Variants in LPO observed in about 807,000 individuals in gnomAD.
LPO encodes the protein salivary peroxidase.
Under a neutral mutation model 68.4 loss-of-function variants are expected in LPO, and 70 were observed. That is an observed-to-expected ratio of 1.02 (90% CI 0.84 to 1.25). LPO has a LOEUF of 1.25. Among genes scored for constraint, LPO ranks in the 50% most tolerant of loss-of-function variants. The pLI, the probability that LPO is intolerant of heterozygous loss-of-function variation, is 0.00. For synonymous variants in LPO, 360 were observed against 357.6 expected, an observed-to-expected ratio of 1.01 and a Z score of -0.08; for missense variants, 873 against 908.4, an observed-to-expected ratio of 0.96 and a Z score of 0.50.
rs1037425971 is a variant in LPO, at chr17:58,247,698, C to G, written c.325+60C>G. 9.9e-5 allele frequency: 155 copies of G among 1,559,484 alleles called. 1 individual carries two copies. Among genetic ancestry groups the G allele is most frequent in the Non-Finnish European group, 1.3e-4 (144 of 1,146,612 alleles). On this transcript the variant is annotated intron_variant, in intron 4 of 12. Coordinates refer to ENST00000262290, the MANE Select transcript of LPO (RefSeq NM_006151.3). ...GGGGTCATCTCCCCACAGGAGAAAG[C>G]AGAGGCCACCCAAAGCTGCACTTCC...
At chr17:58,249,426 T>C in intron 5 of LPO, 140 bp from the exon 6 acceptor site, 1 of 1,330,202 alleles carries the variant, frequency 7.5e-7, no homozygotes, top group South Asian at 1.5e-5. Context: ...GTGGGCGCAG[T>C]TCAGAGACCC....
chr17:58,265,830 C>T (rs1200482287), intron 10 of LPO, among the ~76,000 whole-genome samples: 1 of 151,894 alleles, frequency 6.6e-6, no homozygotes, highest in Non-Finnish European at 1.5e-5. Flanking sequence ...AGCAGTCTTC[C>T]CACCTTGGCC....
intron 2 of LPO, 111 bp downstream of exon 2, chr17:58,243,166 C>A: frequency 2.8e-6 from 3 of 1,070,528 alleles, no homozygotes; most frequent in South Asian, 1.3e-5. Flanking sequence ...GATAGAAGTC[C>A]AAAATCAAGG....
At chr17:58,261,732 G>C (rs1970178770) in intron 9 of LPO, among the ~76,000 whole-genome samples, 2 of 151,942 alleles carry the variant, frequency 1.3e-5, no homozygotes, top group South Asian at 4.1e-4. Flanking sequence ...TTGCCTTCCT[G>C]TGGGTTAATT....
At chr17:58,246,510 C>T (rs2143892852) in intron 3 of LPO, among the ~76,000 whole-genome samples, 1 of 152,250 alleles carries the variant, frequency 6.6e-6, no homozygotes, top group Admixed American at 6.5e-5. Context: ...AGCCCAGCCC[C>T]AGGGCAGAGC....
At chr17:58,238,898 G>A (rs558297185) in intron 1 of LPO, among the ~76,000 whole-genome samples, 159 bp downstream of exon 1, 15 of 152,050 alleles carry the variant, frequency 9.9e-5, no homozygotes, top group Non-Finnish European at 2.1e-4. Context: ...CCTCTTGTTT[G>A]GTATAAGAGA....
At chr17:58,249,779 A>AG in intron 6 of LPO, 84 bp downstream of exon 6, 20 of 1,460,456 alleles carry the variant, frequency 1.4e-5, no homozygotes, top group Non-Finnish European at 1.7e-5. Flanking sequence ...AAGGAGGAGG[A>AG]GGGATCGGTG....
chr17:58,262,466 G>A (rs762029395), intron 9 of LPO, among the ~76,000 whole-genome samples: 1 of 152,056 alleles, frequency 6.6e-6, no homozygotes, highest in South Asian at 2.1e-4. Flanking sequence ...CTCGACTCAC[G>A]GCAACCTCCG....
chr17:58,249,343 T>C, intron 5 of LPO, 166 bp downstream of exon 5: 1 of 886,416 alleles, frequency 1.1e-6, no homozygotes, highest in Non-Finnish European at 1.7e-6. Flanking sequence ...TCCAGCCCTC[T>C]CCCTCCAGCC....
chr17:58,267,746 A>G (rs1290347233), intron 12 of LPO, 41 bp from the exon 13 acceptor site: 2 of 1,580,782 alleles, frequency 1.3e-6, no homozygotes, highest in East Asian at 2.2e-5. Flanking sequence ...GGGAGGGGCC[A>G]GCGGCCAGAC....
chr17:58,249,709 G>T lies in LPO; in HGVS notation c.573+14G>T, dbSNP rs774040085. The T allele has an allele frequency of 1.9e-6, 3 of 1,549,256 alleles. No individual in the cohort carries two copies. The highest frequency in any genetic ancestry group is 2.7e-5 in the African/African-American group (2 of 72,824). ...CCTCTCCCGCTGGTGAGGGCAGGCC[G>T]GGCCGGGGTGAAGGATGGGAGCCAG... On this transcript the variant is annotated intron_variant, in intron 6 of 12. Coordinates refer to ENST00000262290, the MANE Select transcript of LPO (RefSeq NM_006151.3).
At chr17:58,256,341 T>G (rs936720547) in intron 9 of LPO, among the ~76,000 whole-genome samples, 7 of 152,126 alleles carry the variant, frequency 4.6e-5, no homozygotes, top group African/African-American at 1.7e-4. Context: ...AAAGAAATGT[T>G]TATTTGTTTG....
chr17:58,250,680 C>G (rs774181824), intron 7 of LPO, 59 bp downstream of exon 7: 5 of 1,534,680 alleles, frequency 3.3e-6, no homozygotes, highest in South Asian at 2.3e-5. Context: ...ATGTAGCAGA[C>G]ATTCCCAGCT....
chr17:58,241,749 C>T (rs2240262), intron 1 of LPO, among the ~76,000 whole-genome samples: 8,774 of 152,104 alleles, frequency 0.058, 302 homozygotes, highest in South Asian at 0.1. Context: ...CAACAAGATA[C>T]AAATTATTAG....
In LPO at chr17:58,267,589, A is replaced by T; in HGVS notation, c.1931+3A>T. On this transcript the variant is annotated splice_donor_region_variant and intron_variant, in intron 12 of 12. Transcript: ENST00000262290. Reference sequence around the variant, plus strand: ...CAGCAGATCCGTGATGGAGACAGGCAAGTGCGTCCTCAGCCAGGGAGGGAA... The same window carrying T: ...CAGCAGATCCGTGATGGAGACAGGCTAGTGCGTCCTCAGCCAGGGAGGGAA... The T allele has an allele frequency of 1.2e-6, 2 of 1,601,680 alleles. No individual in the cohort carries two copies. Among genetic ancestry groups the T allele is most frequent in the Non-Finnish European group, 1.7e-6 (2 of 1,171,990 alleles).
intron 9 of LPO, among the ~76,000 whole-genome samples, chr17:58,260,203 G>A (rs1970152100): frequency 6.6e-6 from 1 of 152,272 alleles, no homozygotes; most frequent in South Asian, 2.1e-4. Context: ...AAATATAATT[G>A]ATTTTTTTAT....
Position 58,267,458 on chromosome 17 carries a change from C to G in LPO, c.1803C>G (p.Tyr601Ter). The G allele has an allele frequency of 6.2e-7, 1 of 1,614,082 alleles. No individual in the cohort carries two copies. The highest frequency in any genetic ancestry group is 1.6e-4 in the Middle Eastern group (1 of 6,062). The change falls in exon 12 of 13, where the codon TAC becomes TAG. Residue 601 changes from tyrosine to a stop codon, truncating the protein, a stop_gained. Coordinates refer to ENST00000262290, the MANE Select transcript of LPO (RefSeq NM_006151.3). LOFTEE classifies it high-confidence loss of function. ...TGGCCAAGAAGTTACTGGGTCTCTA[C>G]GGGACCCCTGACAACATCGACATCT... is the stretch of plus-strand genomic sequence containing the variant. Reference protein sequence around the residue: ...KMLAKKLLGLYGTPDNIDIWI... With the variant: ...KMLAKKLLGL
intron 9 of LPO, among the ~76,000 whole-genome samples, chr17:58,262,595 G>T (rs1970195299): frequency 6.6e-6 from 1 of 152,090 alleles, no homozygotes; most frequent in Non-Finnish European, 1.5e-5. Context: ...ATTTCACCAT[G>T]TTGGCCAGGC....
chr17:58,246,648 G>T (rs755546642), intron 3 of LPO, among the ~76,000 whole-genome samples: 67 of 152,214 alleles, frequency 4.4e-4, no homozygotes, highest in Admixed American at 1.4e-3. Flanking sequence ...GGGAGGCCCA[G>T]CGCGGCCTGC....
Sources: allele counts gnomAD v4.1 joint callset (sites outside exome capture counted in the v4.1 genomes callset), GRCh38; gene constraint gnomAD v4.1.1; transcripts MANE v1.5; gene names NCBI Gene and HGNC (gene_info 2026-07-23, HGNC 2026-07-21).